The following VPS13C variants were observed in gnomAD, a reference collection of about 807,000 sequenced individuals.
The protein encoded by VPS13C is intermembrane lipid transfer protein VPS13C.
A neutral mutation model predicts 456.8 loss-of-function variants in VPS13C; 358 were observed. The ratio of observed to expected loss-of-function variants is 0.78; its 90% CI spans 0.72 to 0.86. The LOEUF (loss-of-function observed/expected upper bound fraction) is 0.86, where lower values mean the gene tolerates loss of function less well. VPS13C is among the 40% of genes least tolerant of loss of function. VPS13C has a pLI of 0.00. For missense variants in VPS13C, 4,818 were observed against 4,385.4 expected (o/e 1.10, Z -2.79); for synonymous variants, 1,578 against 1,486.7 (o/e 1.06, Z -1.41).
intron 38 of VPS13C, among the ~76,000 whole-genome samples, chr15:61,953,687 C>T (rs1290649110): frequency 1.3e-5 from 2 of 151,844 alleles, no homozygotes; most frequent in Non-Finnish European, 2.9e-5. Flanking sequence ...TGAATAGTGC[C>T]GCAATAAACA....
intron 22 of VPS13C, 93 bp downstream of exon 22, chr15:61,981,249 A>G (rs771786606): frequency 3.2e-5 from 44 of 1,370,042 alleles, no homozygotes; most frequent in South Asian, 6.3e-5. Context: ...CATTTAGTTT[A>G]GTGAACTCTG....
chr15:61,902,257 A>T (rs1413506985), intron 66 of VPS13C, among the ~76,000 whole-genome samples: 2 of 151,860 alleles, frequency 1.3e-5, no homozygotes, highest in African/African-American at 4.8e-5. Flanking sequence ...AACTTAAAGT[A>T]TAATAATAAA....
intron 37 of VPS13C, among the ~76,000 whole-genome samples, chr15:61,954,814 G>A (rs2044930499): frequency 6.6e-6 from 1 of 152,118 alleles, no homozygotes; most frequent in Admixed American, 6.6e-5. Context: ...TGCAAGCACA[G>A]AACAAAGCGT....
At position 61,934,224 on chromosome 15, in the gene VPS13C, T is replaced by G. The variant is rs112236709; in HGVS notation, c.5863A>C (p.Asn1955His). The stretch of plus-strand genomic sequence containing the variant: ...TACAGAAATGTATTACATACCTGGT[T>G]GATATCATTGTTATAAAGGATAATG... ...LSIILYNNDI[N>H]QESGVAFHND... The change falls in exon 49 of 85, where the codon AAC becomes CAC. Residue 1955 changes from asparagine to histidine, a missense_variant. By Grantham distance (68) the Asn-to-His change is moderately conservative (BLOSUM62 1). Transcript: ENST00000644861. The G allele has an allele frequency of 0.015, 23,069 of 1,565,392 alleles. 546 individuals carry two copies. The highest frequency in any genetic ancestry group is 0.075 in the South Asian group (6,259 of 83,138).
chr15:62,000,428 A>G, intron 16 of VPS13C, 136 bp downstream of exon 16: 1 of 745,194 alleles, frequency 1.3e-6, no homozygotes, highest in East Asian at 3.2e-5. Flanking sequence ...TTTTTTCAGT[A>G]CTCCAGTTTC....
chr15:61,982,441 G>A lies in VPS13C; in HGVS notation c.2029+18C>T. 1.3e-6 allele frequency: 2 copies of A among 1,581,228 alleles called. No individual in the cohort carries two copies. Among genetic ancestry groups the A allele is most frequent in the Non-Finnish European group, 1.7e-6 (2 of 1,164,564 alleles). On this transcript the variant is annotated intron_variant, in intron 21 of 84. Transcript: ENST00000644861. ...TTTAAGCTTAGCTGATGCTTATGTA[G>A]ACACTCAAATTCTTCACCTGTAGCT...
intron 83 of VPS13C, among the ~76,000 whole-genome samples, chr15:61,855,916 T>G (rs1168369292): frequency 6.6e-6 from 1 of 152,036 alleles, no homozygotes; most frequent in Non-Finnish European, 1.5e-5. Context: ...TCAAATCACT[T>G]AATAATCTTC....
chr15:61,921,801 A>G (rs1262428847), intron 55 of VPS13C, 146 bp downstream of exon 55: 12 of 667,500 alleles, frequency 1.8e-5, no homozygotes, highest in South Asian at 1.0e-4. Context: ...TGAAAATGAC[A>G]TATGAAAAGA....
Position 61,936,619 on chromosome 15 carries a change from T to G in VPS13C, c.5733A>C (p.Ser1911=). The change falls in exon 48 of 85, where the codon TCA becomes TCC. Residue 1911 remains serine (S), a synonymous_variant. Coordinates refer to ENST00000644861, the MANE Select transcript of VPS13C (RefSeq NM_020821.3). Reference sequence around the variant, plus strand: ...TACCTTTGAGATGGTCAGGTACACTTGAAACATCAACTTTTCTCACTCTTA... The same window carrying G: ...TACCTTTGAGATGGTCAGGTACACTGGAAACATCAACTTTTCTCACTCTTA... ...ETVRVRKVDV[S]SVPDHLKEQE... 1 of 1,584,168 alleles carries G rather than the reference T, an allele frequency of 6.3e-7. No homozygotes were observed. The highest frequency in any genetic ancestry group is 1.2e-5 in the South Asian group (1 of 84,854).
At chr15:61,904,314 A>AC (rs963329587) in intron 66 of VPS13C, among the ~76,000 whole-genome samples, 10 of 151,652 alleles carry the variant, frequency 6.6e-5, no homozygotes, top group Admixed American at 1.3e-4. Context: ...TTAAAAAAAA[A>AC]AAATGTGATT....
chr15:61,972,825 C>T (rs2140355039), intron 26 of VPS13C, 61 bp from the exon 27 acceptor site: 6 of 1,475,516 alleles, frequency 4.1e-6, no homozygotes. Flanking sequence ...GCATGAAACA[C>T]TCAAATCTAA....
At position 61,871,989 on chromosome 15, in the gene VPS13C, C is replaced by T. The variant is rs772206019; in HGVS notation, c.10624G>A (p.Gly3542Ser). Reference sequence around the variant, plus strand: ...AAGGAAGGAAATATTTTCAACATACCTTCCACAGGTTTTGTTATTATTCCA... The same window carrying T: ...AAGGAAGGAAATATTTTCAACATACTTTCCACAGGTTTTGTTATTATTCCA... Reference protein sequence around the residue: ...VTGIITKPVEGAKKEGAAGFF... With the variant: ...VTGIITKPVESAKKEGAAGFF... Residue 3542 changes from glycine (G) to serine (S), a missense_variant and splice_region_variant, in exon 79 of 85, where the codon GGT becomes AGT. Transcript: ENST00000644861. 3.1e-6 allele frequency: 5 copies of T among 1,611,398 alleles called. No individual in the cohort carries two copies. Among genetic ancestry groups the T allele is most frequent in the Non-Finnish European group, 4.2e-6 (5 of 1,178,710 alleles).
intron 63 of VPS13C, 57 bp downstream of exon 63, chr15:61,911,783 G>C: frequency 7.1e-7 from 1 of 1,418,072 alleles, no homozygotes; most frequent in Non-Finnish European, 9.4e-7. Flanking sequence ...TTCTTATTTA[G>C]ATGTCAATAT....
At chr15:62,014,369 A>G (rs1462181909) in intron 9 of VPS13C, among the ~76,000 whole-genome samples, 1 of 152,140 alleles carries the variant, frequency 6.6e-6, no homozygotes, top group Non-Finnish European at 1.5e-5. Flanking sequence ...GAGTATGGAA[A>G]TTACAGCATG....
Position 61,881,586 on chromosome 15 carries a change from C to G in VPS13C, c.9753G>C (p.Glu3251Asp). ...IDVSVITRFN[E>D]YSKVLQFKYF... ...ACTTGAACTGTAAGACTTTACTGTA[C>G]TCATTAAATCTTGTGATGACACTCA... The change falls in exon 71 of 85, where the codon GAG becomes GAC. Residue 3251 changes from glutamate (E) to aspartate (D), a missense_variant. Transcript: ENST00000644861. 1 of 1,612,262 alleles carries G rather than the reference C, an allele frequency of 6.2e-7. No homozygotes were observed. Among genetic ancestry groups the G allele is most frequent in the Non-Finnish European group, 8.5e-7 (1 of 1,179,138 alleles).
intron 15 of VPS13C, among the ~76,000 whole-genome samples, chr15:62,002,737 T>C (rs888071843): frequency 3.3e-5 from 5 of 152,320 alleles, no homozygotes; most frequent in Non-Finnish European, 7.4e-5. Flanking sequence ...TTTCTACATA[T>C]GGCTAGACAG....
rs753754310 is a variant in VPS13C, at chr15:61,920,080, G to A, written c.7464C>T (p.Phe2488=). The change falls in exon 57 of 85, where the codon TTC becomes TTT. Residue 2488 remains phenylalanine (F), a synonymous_variant. Coordinates refer to ENST00000644861, the MANE Select transcript of VPS13C (RefSeq NM_020821.3). ...SILSRQESSF[F]TLTIVPHGYT... ...AATATAGCCTACCAATGGTCAGAGT[G>A]AAGAAGGAGCTTTCTTGACGGCTCA... The A allele has an allele frequency of 6.2e-7, 1 of 1,606,246 alleles. No homozygotes were observed. Among genetic ancestry groups the A allele is most frequent in the African/African-American group, 1.3e-5 (1 of 74,850 alleles).
chr15:61,977,256 GGATA>G, intron 23 of VPS13C, 57 bp from the exon 24 acceptor site: 1 of 994,706 alleles, frequency 1.0e-6, no homozygotes, highest in Admixed American at 3.2e-5. Context: ...CATGGAACAT[GGATA>G]AATATTATTT....
In VPS13C at chr15:61,963,831, T is replaced by C; in HGVS notation, c.3331+4A>G. ...CCAATTTTCAATGCCGTGTGAACTTTTACCTTGAATCTTGATTTCGGCGAT... is the reference window on the plus strand; with the variant it reads ...CCAATTTTCAATGCCGTGTGAACTTCTACCTTGAATCTTGATTTCGGCGAT... On this transcript the variant is annotated splice_donor_region_variant and intron_variant, in intron 32 of 84. Transcript: ENST00000644861. 6.2e-7 allele frequency: 1 copy of C among 1,601,826 alleles called. No homozygotes were observed. Among genetic ancestry groups the C allele is most frequent in the Non-Finnish European group, 8.5e-7 (1 of 1,171,522 alleles).
Sources: gnomAD v4.1 joint callset for allele counts (sites outside exome capture counted in the v4.1 genomes callset) on GRCh38, gnomAD v4.1.1 for gene constraint, MANE v1.5 for transcripts, NCBI Gene and HGNC (gene_info 2026-07-23, HGNC 2026-07-21) for gene names.